The following MORC3 variants were observed in gnomAD, a reference collection of about 807,000 sequenced individuals.
MORC3 encodes the protein MORC family CW-type zinc finger 3.
In MORC3, 31 loss-of-function variants were observed where a neutral mutation model predicts 109.1. The observed-to-expected ratio is 0.28, with a 90% CI of 0.21 to 0.38. MORC3 has a LOEUF of 0.38. Among genes scored for constraint, MORC3 ranks in the 10% least tolerant of loss-of-function variants. The pLI is 1.00. For synonymous variants in MORC3, 395 were observed against 380.7 expected (o/e 1.04, Z -0.44); for missense variants, 867 against 1,135.8 (o/e 0.76, Z 3.40).
chr21:36,325,534 A>G (rs746838408), intron 1 of MORC3, among the ~76,000 whole-genome samples: 7 of 152,246 alleles, frequency 4.6e-5, no homozygotes, highest in Non-Finnish European at 1.0e-4. Flanking sequence ...GTACATTCAC[A>G]TGGTTGTGTA....
At chr21:36,334,780 C>T (rs80024718) in intron 2 of MORC3, among the ~76,000 whole-genome samples, 3 of 152,238 alleles carry the variant, frequency 2.0e-5, no homozygotes, top group East Asian at 1.9e-4. Context: ...CGTGAGAAAG[C>T]GGCAAGGTTG....
chr21:36,349,353 A>C lies in MORC3; in HGVS notation c.1048A>C (p.Asn350His). ...TGGAGTGGTTGGAATTATAGAGTGTAATTTCCTTAAGCCAACTCATAATAA... is the reference window on the plus strand; with the variant it reads ...TGGAGTGGTTGGAATTATAGAGTGTCATTTCCTTAAGCCAACTCATAATAA... ...GVGVVGIIECNFLKPTHNKQD... is the reference protein window; with the variant it reads ...GVGVVGIIECHFLKPTHNKQD... Residue 350 changes from asparagine to histidine, a missense_variant, in exon 9 of 17, where the codon AAT (asparagine) becomes CAT (histidine). By Grantham distance (68) the Asn-to-His change is moderately conservative (BLOSUM62 1). Around this residue, in one of 7 missense-constraint regions of MORC3, gnomAD observed 120 missense variants for 259.7 expected, o/e 0.46. Transcript: ENST00000400485. 1.2e-6 allele frequency: 2 copies of C among 1,611,144 alleles called. No homozygotes were observed. The highest frequency in any genetic ancestry group is 1.7e-6 in the Non-Finnish European group (2 of 1,179,096).
intron 1 of MORC3, among the ~76,000 whole-genome samples, chr21:36,331,321 AGGCACGGT>A (rs770180795): frequency 3.3e-5 from 5 of 152,052 alleles, no homozygotes; most frequent in Non-Finnish European, 5.9e-5. Flanking sequence ...GTTTTTGGCC[AGGCACGGT>A]GGCTCATGCC....
rs933049289 is a variant in MORC3 at position 36,349,061 on chromosome 21, G to A, written c.1006-250G>A. Among the ~76,000 whole-genome samples, 10 of 152,136 alleles carry A rather than the reference G, an allele frequency of 6.6e-5. No individual in the cohort carries two copies. In the South Asian group the frequency reaches 1.4e-3, roughly 22 times the overall value. On this transcript the variant is annotated intron_variant, in intron 8 of 16. Transcript: ENST00000400485. ...CAGCTACTCGGGAGGCTGAGGCAAC[G>A]AGAGTCACTTGAGCTTGGGCGGTCT...
In MORC3 at chr21:36,369,850, A is replaced by G. The variant is rs1223327632; in HGVS notation, c.2482A>G (p.Ile828Val). ...GTTTAGACAACTGGACAAATGCAGT[A>G]TTGAGAGGGACCAGTATAAAAGTGA... is the stretch of plus-strand genomic sequence containing the variant. ...DVFRQLDKCS[I>V]ERDQYKSEVE... Residue 828 changes from isoleucine to valine, a missense_variant, in exon 15 of 17, where the codon ATT becomes GTT. Transcript: ENST00000400485. 3.1e-6 allele frequency: 5 copies of G among 1,613,054 alleles called. No individual in the cohort carries two copies. Among genetic ancestry groups the G allele is most frequent in the Non-Finnish European group, 4.2e-6 (5 of 1,180,036 alleles).
intron 15 of MORC3, among the ~76,000 whole-genome samples, chr21:36,371,463 A>G (rs2085866444): frequency 6.6e-6 from 1 of 152,206 alleles, no homozygotes; most frequent in Non-Finnish European, 1.5e-5. Context: ...TGCTCAGAAC[A>G]CTTGTGTTAG....
chr21:36,325,458 G>T (rs2085238366), intron 1 of MORC3, among the ~76,000 whole-genome samples: 1 of 152,188 alleles, frequency 6.6e-6, no homozygotes, highest in African/African-American at 2.4e-5. Context: ...GTTTATTATT[G>T]TAATAAAACA....
rs2146348518 is a variant in MORC3, at chr21:36,375,125, A to G, written c.2667-18A>G. The G allele has an allele frequency of 6.2e-7, 1 of 1,602,598 alleles. No homozygotes were observed. Among genetic ancestry groups the G allele is most frequent in the Non-Finnish European group, 8.5e-7 (1 of 1,174,234 alleles). ...ACTTGTAATGCTCATCTAATAAGTT[A>G]CATATTTGTATTTGCAGCCTCAAAC... is the stretch of plus-strand genomic sequence containing the variant. On this transcript the variant is annotated intron_variant, in intron 16 of 16. Coordinates refer to ENST00000400485, the MANE Select transcript of MORC3 (RefSeq NM_015358.3).
At chr21:36,337,132 C>G (rs2085382906) in intron 3 of MORC3, 126 bp downstream of exon 3, 4 of 1,112,108 alleles carry the variant, frequency 3.6e-6, no homozygotes, top group East Asian at 2.7e-5. Context: ...GTGAGCTGTT[C>G]TCTAAGCATG....
At chr21:36,370,635 A>ATTTTTTTTTTTTTTTTTTTT (rs1361206395) in intron 15 of MORC3, among the ~76,000 whole-genome samples, 1 of 42,004 alleles carries the variant, frequency 2.4e-5, no homozygotes, top group Non-Finnish European at 4.5e-5. Context: ...ATATATATAT[A>ATTTTTTTTTTTTTTTTTTTT]TATATTTTTT....
At chr21:36,329,561 T>G (rs2085290275) in intron 1 of MORC3, among the ~76,000 whole-genome samples, 1 of 152,130 alleles carries the variant, frequency 6.6e-6, no homozygotes, top group African/African-American at 2.4e-5. Flanking sequence ...TTTGGTAGTA[T>G]AAACCAAAAA....
intron 15 of MORC3, among the ~76,000 whole-genome samples, chr21:36,370,949 G>A (rs942909885): frequency 1.5e-4 from 23 of 151,990 alleles, no homozygotes; most frequent in Admixed American, 1.2e-3. Context: ...AATTACAGGC[G>A]TGAGCCCCCA....
rs1006491068 is a variant in MORC3, at chr21:36,375,431, C to A, written c.*135C>A. The A allele has an allele frequency of 1.4e-6, 1 of 739,892 alleles. No individual in the cohort carries two copies. The highest frequency in any genetic ancestry group is 2.1e-6 in the Non-Finnish European group (1 of 481,302). 45.8% of individuals were successfully genotyped at this position (739,892 alleles called of 1,614,324 possible). A position where few individuals can be genotyped will look rare whatever the true frequency, so the allele number is the denominator to read the frequency against. On this transcript the variant is annotated 3_prime_UTR_variant, in exon 17 of 17. Transcript: ENST00000400485. ...TAATCTTTACTGTATTCTATGCATT[C>A]AAATGTGGTCACAAATATTGTGGAC...
intron 2 of MORC3, among the ~76,000 whole-genome samples, chr21:36,334,991 G>A (rs114101034): frequency 6.6e-6 from 1 of 152,006 alleles, no homozygotes; most frequent in Non-Finnish European, 1.5e-5. Context: ...ATTCGCCAGG[G>A]TGGTGGTGCA....
At chr21:36,333,506 C>A (rs1331446326) in intron 1 of MORC3, 140 bp from the exon 2 acceptor site, 1 of 657,098 alleles carries the variant, frequency 1.5e-6, no homozygotes, top group Non-Finnish European at 2.7e-6. Flanking sequence ...TAGATTGTAT[C>A]TTCCAGATGT....
intron 6 of MORC3, among the ~76,000 whole-genome samples, chr21:36,342,744 C>G (rs2085463426): frequency 6.6e-6 from 1 of 151,850 alleles, no homozygotes; most frequent in South Asian, 2.1e-4. Flanking sequence ...ATGGGCTAGG[C>G]ACAGTGGCTC....
In MORC3 at chr21:36,341,546, G is replaced by C; in HGVS notation, c.756G>C (p.Arg252Ser). Residue 252 changes from arginine (R) to serine (S), a missense_variant and splice_region_variant, in exon 6 of 17, where the codon AGG (arginine) becomes AGC (serine). This residue lies in a region of MORC3 where 120 missense variants were observed against 259.7 expected (regional missense o/e 0.46). Coordinates refer to ENST00000400485, the MANE Select transcript of MORC3 (RefSeq NM_015358.3). ...CCCCTGAGAGTGACTATTCCCTGAGGGTATGTATTCAGCTCTCTTTGTGGA... is the reference window on the plus strand; with the variant it reads ...CCCCTGAGAGTGACTATTCCCTGAGCGTATGTATTCAGCTCTCTTTGTGGA... ...QIAPESDYSL[R>S]AYCSILYLKP... The C allele has an allele frequency of 6.2e-7, 1 of 1,613,846 alleles. No homozygotes were observed.
chr21:36,333,575 A>G, intron 1 of MORC3, 71 bp from the exon 2 acceptor site: 1 of 1,279,970 alleles, frequency 7.8e-7, no homozygotes, highest in African/African-American at 1.5e-5. Flanking sequence ...TAACACAGGG[A>G]TAAAAATACT....
chr21:36,342,576 G>A (rs1278381809), intron 6 of MORC3, among the ~76,000 whole-genome samples: 2 of 151,884 alleles, frequency 1.3e-5, no homozygotes, highest in Non-Finnish European at 2.9e-5. Flanking sequence ...CTATTTTTTT[G>A]TATTTTTGGT....
Sources: gnomAD v4.1 joint callset for allele counts (sites outside exome capture counted in the v4.1 genomes callset) on GRCh38, gnomAD v4.1.1 for gene constraint, gnomAD v4.1.1 regional missense constraint, MANE v1.5 for transcripts, NCBI Gene and HGNC (gene_info 2026-07-23, HGNC 2026-07-21) for gene names.